PIWIL4: variants seen among roughly 807,000 people sequenced by gnomAD.
PIWIL4 encodes the protein piwi-like protein 4.
PIWIL4 carries 50 observed loss-of-function variants against 100.9 expected under a neutral mutation model. The observed-to-expected ratio is 0.50, with a 90% confidence interval of 0.39 to 0.63. PIWIL4 has a LOEUF of 0.63. PIWIL4 is among the 20% of genes least tolerant of loss of function. The pLI is 0.00. For missense variants in PIWIL4, 887 were observed against 1,043.3 expected, an observed-to-expected ratio of 0.85 and a Z score of 2.06; for synonymous variants, 342 against 367.5, an observed-to-expected ratio of 0.93 and a Z score of 0.79.
At chr11:94,620,400 A>G (rs1948893032) in intron 19 of PIWIL4, among the ~76,000 whole-genome samples, 1 of 152,238 alleles carries the variant, frequency 6.6e-6, no homozygotes, top group Admixed American at 6.5e-5. Context: ...CGACTTTGTT[A>G]TATACATTAT....
chr11:94,605,974 C>A (rs1278457174), intron 13 of PIWIL4, among the ~76,000 whole-genome samples: 1 of 152,130 alleles, frequency 6.6e-6, no homozygotes, highest in African/African-American at 2.4e-5. Flanking sequence ...TGCTTCCCCG[C>A]CCTGGAATCA....
chr11:94,621,158 ATG>A lies in PIWIL4; in HGVS notation c.*172_*173del, dbSNP rs1477690903. 1.8e-6 allele frequency: 1 copy of A among 556,162 alleles called. No homozygotes were observed. Among genetic ancestry groups the A allele is most frequent in the East Asian group, 2.9e-5 (1 of 34,668 alleles). The allele number at this position is 556,162 out of a possible 1,614,324, so 34.5% of individuals were successfully genotyped here. On this transcript the variant is annotated 3_prime_UTR_variant, in exon 20 of 20. Transcript: ENST00000299001. ...ACTTAATCTGAAACAGTTTTAAAAAATGTGTGTTATTTTGTTTTAAAGAGTTG... is the reference window on the plus strand; with the variant it reads ...ACTTAATCTGAAACAGTTTTAAAAAATGTGTTATTTTGTTTTAAAGAGTTG...
In PIWIL4 at chr11:94,621,121, A is replaced by G; in HGVS notation, c.*129A>G. On this transcript the variant is annotated 3_prime_UTR_variant, in exon 20 of 20. Transcript: ENST00000299001. ...GAGCTTAGTTTTCATGTCTAGGAAA[A>G]AAAGCAAAACAACTTAATCTGAAAC... is the stretch of plus-strand genomic sequence containing the variant. 1 of 621,894 alleles carries G rather than the reference A, an allele frequency of 1.6e-6. No homozygotes were observed. 38.5% of individuals were successfully genotyped at this position (621,894 alleles called of 1,614,324 possible). A position where few individuals can be genotyped will look rare whatever the true frequency, so the allele number is the denominator to read the frequency against.
At chr11:94,587,665 A>C (rs1222559351) in intron 7 of PIWIL4, among the ~76,000 whole-genome samples, 3 of 152,196 alleles carry the variant, frequency 2.0e-5, no homozygotes, top group African/African-American at 7.2e-5. Context: ...GGAATTATTC[A>C]GTTTCTTCCC....
chr11:94,586,036 T>A (rs1047782477), intron 6 of PIWIL4, among the ~76,000 whole-genome samples: 3 of 152,008 alleles, frequency 2.0e-5, no homozygotes, highest in Admixed American at 6.6e-5. Flanking sequence ...AATACTGTGG[T>A]CAAACTATAG....
chr11:94,619,830 G>T lies in PIWIL4; in HGVS notation c.2239G>T (p.Val747Leu). 2 of 1,614,204 alleles carry T rather than the reference G, an allele frequency of 1.2e-6. No homozygotes were observed. Among genetic ancestry groups the T allele is most frequent in the Non-Finnish European group, 1.7e-6 (2 of 1,180,030 alleles). Reference sequence around the variant, plus strand: ...ATTCTTTACCGAAATGAACCGCACTGTACAGAACCCCCCACTTGGCACTGT... The same window carrying T: ...ATTCTTTACCGAAATGAACCGCACTTTACAGAACCCCCCACTTGGCACTGT... ...PRFFTEMNRTVQNPPLGTVVD... is the reference protein window; with the variant it reads ...PRFFTEMNRTLQNPPLGTVVD... Residue 747 changes from valine to leucine, a missense_variant, in exon 18 of 20, where the codon GTA becomes TTA. By Grantham distance (32) the Val-to-Leu change is conservative (BLOSUM62 1). Coordinates refer to ENST00000299001, the MANE Select transcript of PIWIL4 (RefSeq NM_152431.3).
At position 94,567,600 on chromosome 11, in the gene PIWIL4, C is replaced by T; in HGVS notation, c.82C>T (p.Pro28Ser). 6.2e-7 allele frequency: 1 copy of T among 1,603,164 alleles called. No homozygotes were observed. Among genetic ancestry groups the T allele is most frequent in the South Asian group, 1.1e-5 (1 of 88,526 alleles). ...AGAAGTGGGGCGCATCCAAGCCTCG[C>T]CATTGGTGTGTAGAATGCTTATTGC... ...ATEVGRIQAS[P>S]LPRSVDLSNN... The change falls in exon 1 of 20, where the codon CCA (proline) becomes TCA (serine). Residue 28 changes from proline to serine, a missense_variant. Pro to Ser is a moderately conservative substitution (Grantham distance 74). This residue lies in a region of PIWIL4 where 146 missense variants were observed against 113.4 expected (regional missense o/e 1.29). Transcript: ENST00000299001.
At chr11:94,603,214 G>A (rs558208253) in intron 12 of PIWIL4, among the ~76,000 whole-genome samples, 21 of 152,228 alleles carry the variant, frequency 1.4e-4, no homozygotes, top group African/African-American at 4.8e-4. Flanking sequence ...GGTTCGGCCA[G>A]CCAGTCACAT....
rs769616962 is a variant in PIWIL4 at position 94,617,973 on chromosome 11, C to A, written c.2034C>A (p.Tyr678Ter). ...VFMTGALNKW[Y>*]KYNHDLPARI... ...CTGCAGGAGCACTCAACAAATGGTA[C>A]AAGTACAATCATGATTTGCCAGCAC... The change falls in exon 17 of 20, where the codon TAC becomes TAA. Residue 678 changes from tyrosine (Y) to a stop codon, truncating the protein, a stop_gained. Transcript: ENST00000299001. LOFTEE classifies it high-confidence loss of function. The A allele has an allele frequency of 6.2e-7, 1 of 1,613,886 alleles. No homozygotes were observed. The highest frequency in any genetic ancestry group is 1.3e-5 in the African/African-American group (1 of 75,012).
intron 9 of PIWIL4, 109 bp downstream of exon 9, chr11:94,593,750 C>G: frequency 7.8e-7 from 1 of 1,282,684 alleles, no homozygotes; most frequent in Non-Finnish European, 1.1e-6. Context: ...ATCGATTTAA[C>G]CCATGGAGGA....
At chr11:94,599,027 A>G (rs1387636896) in intron 11 of PIWIL4, among the ~76,000 whole-genome samples, 1 of 152,040 alleles carries the variant, frequency 6.6e-6, no homozygotes, top group Non-Finnish European at 1.5e-5. Flanking sequence ...CTTTACAATA[A>G]TCTATCCAAG....
chr11:94,597,405 G>C (rs988115984), intron 10 of PIWIL4, among the ~76,000 whole-genome samples: 7 of 152,218 alleles, frequency 4.6e-5, no homozygotes, highest in African/African-American at 1.7e-4. Context: ...ACTGTGGTGA[G>C]CACTTTCTGT....
intron 19 of PIWIL4, among the ~76,000 whole-genome samples, 188 bp downstream of exon 19, chr11:94,620,332 A>G (rs1948892371): frequency 6.6e-6 from 1 of 152,246 alleles, no homozygotes; most frequent in Non-Finnish European, 1.5e-5. Flanking sequence ...AAAGCAGTCT[A>G]TCATAGAAAC....
At chr11:94,574,903 A>G in intron 2 of PIWIL4, 96 bp from the exon 3 acceptor site, 1 of 1,286,728 alleles carries the variant, frequency 7.8e-7, no homozygotes, top group African/African-American at 1.5e-5. Context: ...ATTCAAAACC[A>G]CAAGTTTGGA....
intron 2 of PIWIL4, among the ~76,000 whole-genome samples, chr11:94,574,183 A>C (rs919950583): frequency 9.2e-5 from 14 of 152,250 alleles, no homozygotes; most frequent in Non-Finnish European, 1.3e-4. Flanking sequence ...GTTTTCTAGA[A>C]GCTGTCAGTA....
intron 3 of PIWIL4, among the ~76,000 whole-genome samples, chr11:94,575,525 A>G (rs1015641095): frequency 3.3e-5 from 5 of 152,238 alleles, no homozygotes; most frequent in Non-Finnish European, 5.9e-5. Context: ...GCAAATTGTC[A>G]GTATATATAT....
At chr11:94,606,842 A>T (rs1175658383) in intron 13 of PIWIL4, among the ~76,000 whole-genome samples, 2 of 151,972 alleles carry the variant, frequency 1.3e-5, no homozygotes, top group Admixed American at 6.5e-5. Context: ...TCAAAAAAAA[A>T]AAAAAAGCCA....
chr11:94,590,902 C>T (rs1326885459), intron 8 of PIWIL4, among the ~76,000 whole-genome samples: 3 of 152,152 alleles, frequency 2.0e-5, no homozygotes, highest in Non-Finnish European at 4.4e-5. Context: ...AAGTGCTGCC[C>T]AGAAATCTGA....
At chr11:94,582,489 T>C (rs1367381054) in intron 4 of PIWIL4, among the ~76,000 whole-genome samples, 2 of 152,214 alleles carry the variant, frequency 1.3e-5, no homozygotes, top group Admixed American at 1.3e-4. Flanking sequence ...GTTACAACCA[T>C]ACTGTAGCTG....
Sources: allele counts gnomAD v4.1 joint callset (sites outside exome capture counted in the v4.1 genomes callset), GRCh38; gene constraint gnomAD v4.1.1; regional missense constraint gnomAD v4.1.1; transcripts MANE v1.5; gene names NCBI Gene and HGNC (gene_info 2026-07-23, HGNC 2026-07-21).